The following MAPK6 variants were observed in gnomAD, a reference collection of about 807,000 sequenced individuals.
The protein encoded by MAPK6 is mitogen-activated protein kinase 6, also known as ERK-3.
A neutral mutation model predicts 59.3 loss-of-function variants in MAPK6; 19 were observed. The observed-to-expected ratio is 0.32, with a 90% CI of 0.22 to 0.47. MAPK6 has a LOEUF of 0.47. MAPK6 is among the 20% of genes least tolerant of loss of function. The pLI is 1.00. For synonymous variants in MAPK6, 316 were observed against 290.3 expected (o/e 1.09, Z -0.90); for missense variants, 724 against 847.9 (o/e 0.85, Z 1.81).
intron 2 of MAPK6, among the ~76,000 whole-genome samples, chr15:51,989,795 G>A (rs976736864): frequency 1.3e-5 from 2 of 151,990 alleles, no homozygotes; most frequent in Admixed American, 6.6e-5. Flanking sequence ...GTAGAGAAAG[G>A]GTCTCTCTGT....
intron 2 of MAPK6, among the ~76,000 whole-genome samples, chr15:51,990,726 G>A (rs968704755): frequency 2.0e-5 from 3 of 152,222 alleles, no homozygotes; most frequent in Admixed American, 6.5e-5. Context: ...CAAGGCAGGC[G>A]GATCACGAGG....
At chr15:52,061,531 T>C in intron 5 of MAPK6, 31 bp downstream of exon 5, 2 of 1,514,272 alleles carry the variant, frequency 1.3e-6, no homozygotes, top group African/African-American at 1.4e-5. Context: ...AAAAATAATA[T>C]TTACTGAACT....
chr15:51,998,696 T>TTTTTTTTTTTTTTTTTTTG (rs2057233418), intron 2 of MAPK6, among the ~76,000 whole-genome samples: 1 of 52,018 alleles, frequency 1.9e-5, no homozygotes, highest in Non-Finnish European at 4.4e-5. Flanking sequence ...AATTTTTTTT[T>TTTTTTTTTTTTTTTTTTTG]TTTTTTTTTT....
rs1281209758 is a variant in MAPK6 at position 52,066,862 on chromosome 15, C to T, written c.*1862C>T. 1 of 151,014 alleles carries T rather than the reference C, an allele frequency of 6.6e-6. No individual in the cohort carries two copies. Among genetic ancestry groups the T allele is most frequent in the Non-Finnish European group, 1.5e-5 (1 of 67,892 alleles). 9.4% of individuals were successfully genotyped at this position (151,014 alleles called of 1,614,324 possible). On this transcript the variant is annotated 3_prime_UTR_variant, in exon 6 of 6. Transcript: ENST00000261845. ...TATTAATTTAAACATACTCAAATTACCTTAAGAGGACAAGCTCTGAAGTGC... is the reference window on the plus strand; with the variant it reads ...TATTAATTTAAACATACTCAAATTATCTTAAGAGGACAAGCTCTGAAGTGC...
chr15:52,001,247 C>A (rs546687606), intron 2 of MAPK6, among the ~76,000 whole-genome samples: 1 of 152,150 alleles, frequency 6.6e-6, no homozygotes, highest in East Asian at 1.9e-4. Context: ...CTACCAGCAC[C>A]TTGAGCTTGG....
intron 4 of MAPK6, among the ~76,000 whole-genome samples, chr15:52,059,718 G>C (rs551307973): frequency 2.0e-5 from 3 of 152,336 alleles, no homozygotes; most frequent in South Asian, 4.1e-4. Context: ...TTTGGCCACT[G>C]ACTGGGGTTT....
In MAPK6 at chr15:52,038,179, C is replaced by T. The variant is rs149728545; in HGVS notation, c.-631-7651C>T. Among the ~76,000 whole-genome samples, 20 of 149,968 alleles carry T rather than the reference C, an allele frequency of 1.3e-4. No individual in the cohort carries two copies. The East Asian group carries it at 3.9e-3, about 29-fold the overall frequency. ...TTGAAAAAAAAAAAAAAATTGACCT[C>T]TGCTATAGCTTAATGCCTAAAACAA... is the stretch of plus-strand genomic sequence containing the variant. On this transcript the variant is annotated intron_variant, in intron 1 of 5. Transcript: ENST00000261845.
chr15:52,065,012 G>T lies in MAPK6; in HGVS notation c.*12G>T. 6.3e-7 allele frequency: 1 copy of T among 1,575,556 alleles called. No individual in the cohort carries two copies. Among genetic ancestry groups the T allele is most frequent in the Non-Finnish European group, 8.6e-7 (1 of 1,158,130 alleles). ...AACATCTGAACTAAAACACTCAGCAGACATTTATCTTTGTATTCTTCATGA... is the reference window on the plus strand; with the variant it reads ...AACATCTGAACTAAAACACTCAGCATACATTTATCTTTGTATTCTTCATGA... On this transcript the variant is annotated 3_prime_UTR_variant, in exon 6 of 6. Transcript: ENST00000261845.
intron 2 of MAPK6, among the ~76,000 whole-genome samples, chr15:51,995,164 CA>C (rs2057220906): frequency 6.6e-6 from 1 of 152,174 alleles, no homozygotes; most frequent in Admixed American, 6.5e-5. Context: ...CAGGCTTAGA[CA>C]GAAGGAAAAG....
At chr15:52,051,296 A>T (rs1006785599) in intron 3 of MAPK6, among the ~76,000 whole-genome samples, 4 of 151,856 alleles carry the variant, frequency 2.6e-5, no homozygotes, top group Non-Finnish European at 4.4e-5. Context: ...TGACCTCGTG[A>T]TCCACCCGCC....
chr15:51,974,812 G>T lies in MAPK6; in HGVS notation c.-880+2906G>T, dbSNP rs969815045. ...GGCTCACTGCAACCTCCGCCTCCCG[G>T]CTTCAAGTGATTCTCCTGTCTCAGC... On this transcript the variant is annotated intron_variant, in intron 1 of 7. Transcript: ENST00000691380. 9.3e-5 allele frequency among the ~76,000 whole-genome samples: 14 copies of T among 150,908 alleles called. 1 individual carries two copies. Among genetic ancestry groups the T allele is most frequent in the Non-Finnish European group, 1.5e-4 (10 of 67,600 alleles).
intron 1 of MAPK6, chr15:52,033,999 T>A (rs2031144387): frequency 6.6e-6 from 1 of 152,260 alleles, no homozygotes; most frequent in Admixed American, 6.6e-5. Flanking sequence ...TTGCTTTTTT[T>A]TTGGATATTG....
At chr15:52,005,345 C>G (rs1049213475) in intron 3 of MAPK6, among the ~76,000 whole-genome samples, 1 of 152,028 alleles carries the variant, frequency 6.6e-6, no homozygotes, top group Non-Finnish European at 1.5e-5. Context: ...ACCAACATGG[C>G]AAAACCCTGT....
intron 2 of MAPK6, among the ~76,000 whole-genome samples, chr15:51,998,565 A>G (rs1490303610): frequency 7.2e-6 from 1 of 139,552 alleles, no homozygotes; most frequent in African/African-American, 2.8e-5. Flanking sequence ...TCTATTGCCC[A>G]GGCTGGAATG....
At chr15:51,981,653 C>T (rs2057173887) in intron 1 of MAPK6, among the ~76,000 whole-genome samples, 2 of 152,116 alleles carry the variant, frequency 1.3e-5, no homozygotes, top group African/African-American at 4.8e-5. Flanking sequence ...AGACTTTAGA[C>T]TCCTTCCTGA....
chr15:52,007,145 C>T (rs1292461492), intron 3 of MAPK6, among the ~76,000 whole-genome samples: 1 of 152,066 alleles, frequency 6.6e-6, no homozygotes, highest in East Asian at 1.9e-4. Flanking sequence ...TGTAATGAAG[C>T]CTGTGTGTTT....
chr15:51,974,148 A>G (rs1243370377), intron 1 of MAPK6, among the ~76,000 whole-genome samples: 1 of 151,752 alleles, frequency 6.6e-6, no homozygotes, highest in Non-Finnish European at 1.5e-5. Context: ...AATATATAGA[A>G]ACAAGGTCTC....
At chr15:52,014,703 T>TAAAAAAAAAAAA (rs796259080), upstream of MAPK6, among the ~76,000 whole-genome samples, 31 of 119,450 alleles carry the variant, frequency 2.6e-4, no homozygotes, top group African/African-American at 1.0e-3. Flanking sequence ...TGAGATTTTC[T>TAAAAAAAAAAAA]AAAAAAAAAA....
intron 1 of MAPK6, chr15:52,021,686 C>T (rs1039953113): frequency 6.6e-6 from 1 of 151,896 alleles, no homozygotes; most frequent in Non-Finnish European, 1.5e-5. Flanking sequence ...TTTATGGTGT[C>T]GGTAGAAATT....
Sources: gnomAD v4.1 joint callset for allele counts (sites outside exome capture counted in the v4.1 genomes callset) on GRCh38, gnomAD v4.1.1 for gene constraint, MANE v1.5 for transcripts, NCBI Gene and HGNC (gene_info 2026-07-23, HGNC 2026-07-21) for gene names.